Variants in DHRS12 observed in about 807,000 individuals in gnomAD.
DHRS12 encodes dehydrogenase/reductase SDR family member 12.
In DHRS12, 29 loss-of-function variants were observed where a neutral mutation model predicts 32.1. The observed-to-expected ratio is 0.90, with a 90% CI of 0.67 to 1.23. DHRS12 has a LOEUF of 1.23. DHRS12 is among the 50% of genes most tolerant of loss of function. The pLI, the probability that DHRS12 is intolerant of heterozygous loss-of-function variation, is 0.00. For synonymous variants in DHRS12, 150 were observed against 135.9 expected (o/e 1.10, Z -0.72); for missense variants, 330 against 337.2 (o/e 0.98, Z 0.17).
chr13:51,768,815 C>CCGTTACT, intron 8 of DHRS12: 2 of 1,269,416 alleles, frequency 1.6e-6, no homozygotes, highest in Non-Finnish European at 2.0e-6. Context: ...GAAGCAGAGT[C>CCGTTACT]CGTTACTCCC....
chr13:51,787,674 T>C (rs1049322074), intron 4 of DHRS12, among the ~76,000 whole-genome samples: 2 of 142,656 alleles, frequency 1.4e-5, no homozygotes, highest in African/African-American at 2.6e-5. Flanking sequence ...TAAGTATATA[T>C]ATTATATTAA....
At chr13:51,788,319 GCAAAGATAACAT>G (rs1196587098) in intron 4 of DHRS12, among the ~76,000 whole-genome samples, 6 of 152,054 alleles carry the variant, frequency 3.9e-5, no homozygotes, top group Non-Finnish European at 5.9e-5. Context: ...GGTCATTTCA[GCAAAGATAACAT>G]ATTTGGAACA....
intron 7 of DHRS12, chr13:51,770,697 T>G: frequency 1.3e-4 from 128 of 952,650 alleles, no homozygotes; most frequent in Non-Finnish European, 1.5e-4. Flanking sequence ...CTGGTCTCCA[T>G]GAGATGCCAC....
downstream of DHRS12, chr13:51,767,962 C>CTT (rs1158964077): frequency 8.9e-6 from 12 of 1,346,962 alleles, no homozygotes; most frequent in East Asian, 2.3e-4. Flanking sequence ...ATAAATGAGA[C>CTT]TTAAAATAAG....
chr13:51,780,372 AAGAG>A (rs1463462324), intron 4 of DHRS12, among the ~76,000 whole-genome samples: 7 of 152,078 alleles, frequency 4.6e-5, no homozygotes, highest in African/African-American at 1.4e-4. Context: ...ATGAGAGAAA[AAGAG>A]AGATATTTTA....
At chr13:51,757,124 ATCCT>A in the DHRS12 span, among the ~76,000 whole-genome samples, 51 of 152,218 alleles carry the variant, frequency 3.4e-4, no homozygotes, top group African/African-American at 1.2e-3. Context: ...TGTCTTCTCA[ATCCT>A]TCCAGCACCT....
intron 4 of DHRS12, chr13:51,789,422 C>A (rs1316832185): frequency 2.0e-6 from 1 of 508,010 alleles, no homozygotes; most frequent in Non-Finnish European, 2.5e-6. Flanking sequence ...GGATTTAACT[C>A]TTGGCCTCAT....
intron 4 of DHRS12, among the ~76,000 whole-genome samples, chr13:51,787,714 T>C (rs1475539683): frequency 1.4e-5 from 2 of 139,354 alleles, no homozygotes; most frequent in Non-Finnish European, 3.0e-5. Context: ...ATATATAATT[T>C]ATATAAAACA....
chr13:51,783,210 C>T (rs1315963234), intron 4 of DHRS12, among the ~76,000 whole-genome samples: 1 of 152,130 alleles, frequency 6.6e-6, no homozygotes, highest in Non-Finnish European at 1.5e-5. Flanking sequence ...CCAAGAGCCT[C>T]GCCTGGGGCC....
chr13:51,795,142 C>A (rs979537240), intron 2 of DHRS12, among the ~76,000 whole-genome samples: 8 of 152,156 alleles, frequency 5.3e-5, no homozygotes, highest in African/African-American at 1.4e-4. Flanking sequence ...TGCCTGTGCT[C>A]CCTGGCTCAG....
chr13:51,803,015 G>A (rs1476060879), intron 1 of DHRS12, among the ~76,000 whole-genome samples: 2 of 152,196 alleles, frequency 1.3e-5, no homozygotes, highest in Non-Finnish European at 2.9e-5. Flanking sequence ...ATTGCCAGAG[G>A]ACACCCCTTT....
Position 51,771,503 on chromosome 13 carries a change from G to A in DHRS12, c.559+318C>T. On this transcript the variant is annotated intron_variant, in intron 7 of 8. Transcript: ENST00000444610. The stretch of plus-strand genomic sequence containing the variant: ...GCTCCTGCTCATTCCTGTCTGACGT[G>A]GAAATGACAATGGTCACCGGCTCCC... The A allele has an allele frequency of 1.2e-6, 2 of 1,613,910 alleles. 1 individual carries two copies. Among genetic ancestry groups the A allele is most frequent in the East Asian group, 4.5e-5 (2 of 44,886 alleles).
At chr13:51,771,686 T>A in intron 7 of DHRS12, 135 bp downstream of exon 7, 2 of 1,352,802 alleles carry the variant, frequency 1.5e-6, no homozygotes, top group East Asian at 4.6e-5. Flanking sequence ...CGCCCCTGCC[T>A]AAATGGAAAT....
intron 3 of DHRS12, 61 bp from the exon 4 acceptor site, chr13:51,790,153 T>A (rs1955199966): frequency 3.0e-6 from 4 of 1,324,836 alleles, no homozygotes; most frequent in Non-Finnish European, 4.1e-6. Context: ...CCTATTTCCA[T>A]CCCCACACCT....
chr13:51,765,898 C>G (rs1159477515), downstream of DHRS12: 4 of 152,050 alleles, frequency 2.6e-5, no homozygotes, highest in Non-Finnish European at 5.9e-5. Flanking sequence ...ATCTGACTTT[C>G]TTGGAAGTGT....
downstream of DHRS12, chr13:51,766,952 G>A (rs569618783): frequency 6.6e-6 from 1 of 152,444 alleles, no homozygotes; most frequent in South Asian, 2.1e-4. Context: ...GCTGTTTGGA[G>A]GTGAAGATGA....
chr13:51,778,924 T>C (rs541299376), intron 4 of DHRS12, among the ~76,000 whole-genome samples: 1 of 152,292 alleles, frequency 6.6e-6, no homozygotes, highest in African/African-American at 2.4e-5. Flanking sequence ...TACACATATA[T>C]GTGGGTGTCT....
intron 4 of DHRS12, among the ~76,000 whole-genome samples, chr13:51,787,514 T>C (rs985426677): frequency 6.6e-6 from 1 of 151,534 alleles, no homozygotes; most frequent in Non-Finnish European, 1.5e-5. Context: ...AACTGTGCAC[T>C]GGTAATGAGC....
At chr13:51,793,515 C>T (rs914960590) in intron 2 of DHRS12, among the ~76,000 whole-genome samples, 7 of 152,262 alleles carry the variant, frequency 4.6e-5, no homozygotes, top group Non-Finnish European at 7.3e-5. Context: ...AGCAACTCCA[C>T]ATTTTCATGA....
Sources: allele counts gnomAD v4.1 joint callset (sites outside exome capture counted in the v4.1 genomes callset), GRCh38; gene constraint gnomAD v4.1.1; transcripts MANE v1.5; gene names NCBI Gene and HGNC (gene_info 2026-07-23, HGNC 2026-07-21).